Variants in LOXHD1 observed in about 807,000 individuals in gnomAD.
LOXHD1 encodes lipoxygenase homology domain-containing protein 1.
A neutral mutation model predicts 248.2 loss-of-function variants in LOXHD1; 205 were observed. That is an observed-to-expected ratio of 0.83 (90% CI 0.74 to 0.93). LOXHD1 has a LOEUF of 0.93. Ranked by LOEUF, LOXHD1 falls within the 40% of genes least tolerant of loss-of-function variation. The probability of loss-of-function intolerance (pLI) is 0.00; values close to 1 mark genes in which losing one functional copy is unlikely to be tolerated. For synonymous variants in LOXHD1, 1,113 were observed against 1,162.8 expected, an observed-to-expected ratio of 0.96 and a Z score of 0.87; for missense variants, 2,930 against 2,971.6, an observed-to-expected ratio of 0.99 and a Z score of 0.33.
intron 24 of LOXHD1, 88 bp downstream of exon 24, chr18:46,542,639 A>G: frequency 6.7e-7 from 1 of 1,491,040 alleles, no homozygotes; most frequent in Non-Finnish European, 9.1e-7. Flanking sequence ...ATGGCATTCA[A>G]ATTTCCAGAA....
chr18:46,601,080 A>T, intron 8 of LOXHD1, 137 bp downstream of exon 8: 1 of 1,215,764 alleles, frequency 8.2e-7, no homozygotes, highest in East Asian at 2.6e-5. Context: ...TAACCACCCA[A>T]AATGCCCAAT....
In LOXHD1 at chr18:46,483,625, G is replaced by C. The variant is rs1161444909; in HGVS notation, c.6303C>G (p.Val2101=). The part of the protein sequence containing the change: ...FIPKRELAWH[V]KTITITEMEY... ...CCATCTCGGTGATGGTGATGGTCTT[G>C]ACATGCCAGGCAAGTTCTCTCTTGG... The change falls in exon 40 of 41, where the codon GTC becomes GTG. Residue 2101 remains valine (V), a synonymous_variant. Coordinates refer to ENST00000642948, the MANE Select transcript of LOXHD1 (RefSeq NM_001384474.1). The C allele has an allele frequency of 6.4e-7, 1 of 1,551,450 alleles. No individual in the cohort carries two copies. The highest frequency in any genetic ancestry group is 8.7e-7 in the Non-Finnish European group (1 of 1,146,982).
At chr18:46,572,040 G>C (rs1473824899) in intron 15 of LOXHD1, 46 bp downstream of exon 15, 1 of 1,499,656 alleles carries the variant, frequency 6.7e-7, no homozygotes, top group Non-Finnish European at 9.1e-7. Flanking sequence ...GAAGGCCCCT[G>C]TCTCACCAAG....
chr18:46,569,078 CTT>C (rs2037698927), intron 16 of LOXHD1, among the ~76,000 whole-genome samples: 1 of 129,212 alleles, frequency 7.7e-6, no homozygotes, highest in African/African-American at 2.7e-5. Context: ...CCTCCCTTCT[CTT>C]TTCCTTCCCT....
At position 46,579,677 on chromosome 18, in the gene LOXHD1, G is replaced by A. The variant is rs959413311; in HGVS notation, c.1762C>T (p.Leu588=). ...GTGTTATTCCTGCAGTTGTAGAGCAGCCGTTCCCCCGTGTCCCCCACATCA... is the reference window on the plus strand; with the variant it reads ...GTGTTATTCCTGCAGTTGTAGAGCAACCGTTCCCCCGTGTCCCCCACATCA... ...FGDVGDTGER[L]LYNCRNNTDL... is the part of the protein sequence containing the mutation. Residue 588 remains leucine, a synonymous_variant, in exon 13 of 41, where the codon CTG becomes TTG. Transcript: ENST00000642948. 1.8e-5 allele frequency: 28 copies of A among 1,551,654 alleles called. No individual in the cohort carries two copies. In the African/African-American group the frequency reaches 3.3e-4, roughly 18 times the overall value.
intron 25 of LOXHD1, 32 bp downstream of exon 25, chr18:46,541,744 G>A (rs763509562): frequency 3.9e-6 from 6 of 1,551,130 alleles, no homozygotes; most frequent in Non-Finnish European, 5.2e-6. Flanking sequence ...GGGCCCCAGA[G>A]AAGGGCTGGC....
intron 21 of LOXHD1, among the ~76,000 whole-genome samples, chr18:46,551,104 TTC>T (rs1486482451): frequency 9.3e-5 from 14 of 151,322 alleles, no homozygotes; most frequent in African/African-American, 3.4e-4. Context: ...TTCTTTTCTT[TTC>T]TTTTTTTTTT....
At chr18:46,656,869 G>T in intron 1 of LOXHD1, 35 bp downstream of exon 1, 1 of 1,547,620 alleles carries the variant, frequency 6.5e-7, no homozygotes. Context: ...GCAGCCAGCT[G>T]CACCACCCGC....
rs2038189567 is a variant in LOXHD1 at position 46,592,485 on chromosome 18, T to C, written c.1518+13A>G. ...CCCAACAACCTCCCAAACCCCAAGA[T>C]GGTGCATCTCACCCTTTCTAAATGC... On this transcript the variant is annotated intron_variant, in intron 11 of 40. Transcript: ENST00000642948. The C allele has an allele frequency of 1.9e-6, 3 of 1,546,834 alleles. No individual in the cohort carries two copies. The highest frequency in any genetic ancestry group is 3.9e-5 in the Admixed American group (2 of 50,960).
chr18:46,526,075 C>T (rs1277509719), intron 29 of LOXHD1, among the ~76,000 whole-genome samples: 1 of 152,140 alleles, frequency 6.6e-6, no homozygotes, highest in African/African-American at 2.4e-5. Context: ...TGGCCGAAAG[C>T]AGATGTGGAT....
chr18:46,545,559 C>T, intron 22 of LOXHD1, 138 bp from the exon 23 acceptor site: 2 of 660,194 alleles, frequency 3.0e-6, no homozygotes, highest in Non-Finnish European at 5.5e-6. Flanking sequence ...TCTCTTGCCC[C>T]TTCAATCCTG....
chr18:46,579,838 T>C lies in LOXHD1; in HGVS notation c.1655-54A>G. ...CTGACAGCCCCCTGCTTCCCATCCCTAGCCCTGCTGCTCCCACTTCTAAGC... is the reference window on the plus strand; with the variant it reads ...CTGACAGCCCCCTGCTTCCCATCCCCAGCCCTGCTGCTCCCACTTCTAAGC... On this transcript the variant is annotated intron_variant, in intron 12 of 40. Coordinates refer to ENST00000642948, the MANE Select transcript of LOXHD1 (RefSeq NM_001384474.1). The C allele has an allele frequency of 2.0e-6, 3 of 1,517,214 alleles. No homozygotes were observed. In the Admixed American group the frequency reaches 6.1e-5, roughly 31 times the overall value. The allele number at this position is 1,517,214 out of a possible 1,614,324, so 94.0% of individuals were successfully genotyped here. A position where few individuals can be genotyped will look rare whatever the true frequency, so the allele number is the denominator to read the frequency against.
rs727503148 is a variant in LOXHD1 at position 46,594,443 on chromosome 18, A to C, written c.1158T>G (p.Thr386=). 1.3e-6 allele frequency: 2 copies of C among 1,551,564 alleles called. No individual in the cohort carries two copies. ...CEKVVILCPF[T]GIQQTFPCSN... is the part of the protein sequence containing the mutation. ...TACAAGGGAAGGTCTGCTGGATACC[A>C]GTGAAGGGGCACAGAATCACCACCT... is the stretch of plus-strand genomic sequence containing the variant. The change falls in exon 9 of 41, where the codon ACT becomes ACG. Residue 386 remains threonine, a synonymous_variant. Coordinates refer to ENST00000642948, the MANE Select transcript of LOXHD1 (RefSeq NM_001384474.1).
At chr18:46,581,449 G>T (rs1476932461) in intron 12 of LOXHD1, among the ~76,000 whole-genome samples, 1 of 152,072 alleles carries the variant, frequency 6.6e-6, no homozygotes, top group Non-Finnish European at 1.5e-5. Flanking sequence ...GAAATCAATG[G>T]TTCATTTGAG....
intron 2 of LOXHD1, 102 bp from the exon 3 acceptor site, chr18:46,642,138 C>G: frequency 9.7e-7 from 1 of 1,029,254 alleles, no homozygotes. Context: ...TCATCCCACT[C>G]CTGGGGAGAG....
chr18:46,538,600 T>C (rs1478697026), intron 25 of LOXHD1, among the ~76,000 whole-genome samples: 2 of 152,196 alleles, frequency 1.3e-5, no homozygotes, highest in Non-Finnish European at 2.9e-5. Context: ...AGAGCACATG[T>C]AGCAGACTGG....
chr18:46,545,819 C>CG (rs1278643603), intron 22 of LOXHD1, among the ~76,000 whole-genome samples: 5 of 150,822 alleles, frequency 3.3e-5, no homozygotes, highest in Non-Finnish European at 7.4e-5. Flanking sequence ...TTAGTAGAGA[C>CG]GGGGTTTCAC....
At chr18:46,515,969 C>T (rs560042) in intron 34 of LOXHD1, among the ~76,000 whole-genome samples, 1 of 152,194 alleles carries the variant, frequency 6.6e-6, no homozygotes, top group Non-Finnish European at 1.5e-5. Context: ...CCGATTCTGG[C>T]TACCCTACCT....
chr18:46,528,439 T>C (rs1055029707), intron 29 of LOXHD1, among the ~76,000 whole-genome samples: 1 of 152,176 alleles, frequency 6.6e-6, no homozygotes, highest in Admixed American at 6.5e-5. Flanking sequence ...TAGAGACTCC[T>C]GTGTTTTTGT....
Sources: gnomAD v4.1 joint callset for allele counts (sites outside exome capture counted in the v4.1 genomes callset) on GRCh38, gnomAD v4.1.1 for gene constraint, MANE v1.5 for transcripts, NCBI Gene and HGNC (gene_info 2026-07-23, HGNC 2026-07-21) for gene names.